Variants in POLD1 observed in about 807,000 individuals in gnomAD.
The protein encoded by POLD1 is DNA polymerase delta catalytic subunit.
POLD1 carries 79 observed loss-of-function variants against 129.7 expected under a neutral mutation model. The ratio of observed to expected loss-of-function variants is 0.61; its 90% CI spans 0.51 to 0.73. POLD1 has a LOEUF of 0.73. Among genes scored for constraint, POLD1 ranks in the 30% least tolerant of loss-of-function variants. The pLI is 0.00. For missense variants in POLD1, 1,338 were observed against 1,595.8 expected (o/e 0.84, Z 2.75); for synonymous variants, 714 against 683.3 (o/e 1.04, Z -0.70).
chr19:50,391,709 GA>G (rs1482061497), intron 1 of POLD1, among the ~76,000 whole-genome samples: 4 of 145,932 alleles, frequency 2.7e-5, no homozygotes, highest in African/African-American at 1.0e-4. Context: ...GAGGGGGAGG[GA>G]GAGGGAGAGG....
intron 24 of POLD1, 119 bp from the exon 25 acceptor site, chr19:50,416,926 T>TG: frequency 8.3e-7 from 1 of 1,198,122 alleles, no homozygotes; most frequent in Non-Finnish European, 1.2e-6. Flanking sequence ...CCAGCACACT[T>TG]GCTCCGTTGT....
At position 50,416,652 on chromosome 19, in the gene POLD1, T is replaced by C. The variant is rs2122496598; in HGVS notation, c.2996T>C (p.Val999Ala). The C allele has an allele frequency of 6.4e-7, 1 of 1,564,770 alleles. No homozygotes were observed. The highest frequency in any genetic ancestry group is 8.6e-7 in the Non-Finnish European group (1 of 1,159,540). ...TGCAAGACGGTGCTCACGGGCAAGG[T>C]GGGCGGCCTCCTGGCCTTCGCCAAA... ...TRCKTVLTGK[V>A]GGLLAFAKRR... Residue 999 changes from valine (V) to alanine (A), a missense_variant, in exon 24 of 27, where the codon GTG becomes GCG. Physicochemically the swap from Val to Ala is moderately conservative, Grantham distance 64. Transcript: ENST00000440232.
At chr19:50,403,310 A>C in intron 9 of POLD1, 91 bp downstream of exon 9, 1 of 1,352,046 alleles carries the variant, frequency 7.4e-7, no homozygotes, top group Non-Finnish European at 1.0e-6. Context: ...TGCGACGCCC[A>C]TGTCTGTGGG....
At position 50,409,816 on chromosome 19, in the gene POLD1, A is replaced by G; in HGVS notation, c.2154+150A>G. ...AGAGGATGCCAATGTGGCTTGAGCA[A>G]TTGGTCCATTCCTTCACTCAGCAAA... is the stretch of plus-strand genomic sequence containing the variant. On this transcript the variant is annotated intron_variant, in intron 17 of 26. Transcript: ENST00000440232. This position sits in a 1 kb window ranked among gnomAD's most constrained non-coding sequence, Gnocchi z 5.8. 2.4e-6 allele frequency: 2 copies of G among 821,590 alleles called. No homozygotes were observed. The highest frequency in any genetic ancestry group is 3.8e-6 in the Non-Finnish European group (2 of 527,382). The allele number at this position is 821,590 out of a possible 1,614,324, so 50.9% of individuals were successfully genotyped here.
At position 50,386,914 on chromosome 19, in the gene POLD1, C is replaced by T. The variant is rs565882484; in HGVS notation, c.-2+2524C>T. Among the ~76,000 whole-genome samples the T allele has an allele frequency of 6.6e-5, 10 of 152,310 alleles. No homozygotes were observed. The East Asian group carries it at 1.3e-3, about 21-fold the overall frequency. The stretch of plus-strand genomic sequence containing the variant: ...TCTACAAAAAATACAAAAGCTAGGC[C>T]GGGCGCGGTGGCTAAGGCCTGTAAT... On this transcript the variant is annotated intron_variant, in intron 1 of 26. Coordinates refer to ENST00000440232, the MANE Select transcript of POLD1 (RefSeq NM_002691.4).
chr19:50,416,283 T>C (rs2039285698), intron 22 of POLD1, 113 bp from the exon 23 acceptor site: 3 of 1,090,978 alleles, frequency 2.7e-6, no homozygotes, highest in Non-Finnish European at 2.6e-6. Flanking sequence ...GCCCCCCCCA[T>C]GTCACAGCCC....
At chr19:50,391,615 CAGGG>C (rs1405975069) in intron 1 of POLD1, among the ~76,000 whole-genome samples, 1 of 146,876 alleles carries the variant, frequency 6.8e-6, no homozygotes, top group Admixed American at 7.2e-5. Flanking sequence ...GAGAATCAGG[CAGGG>C]AGGTTGCCGT....
At chr19:50,386,794 C>T (rs1484066724) in intron 1 of POLD1, among the ~76,000 whole-genome samples, 1 of 152,186 alleles carries the variant, frequency 6.6e-6, no homozygotes, top group African/African-American at 2.4e-5. Context: ...AAGACACACA[C>T]CCAGGCAGTC....
rs141801845 is a variant in POLD1, at chr19:50,413,818, G to A, written c.2327G>A (p.Arg776Gln). The A allele has an allele frequency of 3.3e-5, 54 of 1,612,274 alleles. No homozygotes were observed. The South Asian group carries it at 4.1e-4, about 12-fold the overall frequency. The change falls in exon 19 of 27, where the codon CGG becomes CAG. Residue 776 changes from arginine to glutamine, a missense_variant. Physicochemically the swap from Arg to Gln is conservative, Grantham distance 43. Coordinates refer to ENST00000440232, the MANE Select transcript of POLD1 (RefSeq NM_002691.4). ...GTGGCTGAGGCGATGGCCCTGGGGC[G>A]GGAGGCCGCGGACTGGGTGTCAGGT... ...SSVAEAMALG[R>Q]EAADWVSGHF... is the part of the protein sequence containing the mutation.
chr19:50,408,148 A>C (rs2038966217), intron 14 of POLD1, among the ~76,000 whole-genome samples: 1 of 151,536 alleles, frequency 6.6e-6, no homozygotes, highest in Non-Finnish European at 1.5e-5. Context: ...CATCCTGGCT[A>C]ACACGGTGAA....
At chr19:50,402,567 G>A (rs983609189) in intron 7 of POLD1, 32 bp downstream of exon 7, 1 of 1,576,626 alleles carries the variant, frequency 6.3e-7, no homozygotes, top group Middle Eastern at 1.8e-4. Context: ...GGCTGGGTGG[G>A]GAGCTGGTAC....
At position 50,417,875 on chromosome 19, in the gene POLD1, G is replaced by A. The variant is rs1292518688; in HGVS notation, c.3252G>A (p.Lys1084=). 1.2e-6 allele frequency: 2 copies of A among 1,610,842 alleles called. No individual in the cohort carries two copies. The highest frequency in any genetic ancestry group is 2.7e-5 in the African/African-American group (2 of 74,964). The change falls in exon 27 of 27, where the codon AAG becomes AAA. Residue 1084 remains lysine, a synonymous_variant. Transcript: ENST00000440232. ...GCCCCATCTTCTACATGCGCAAGAA[G>A]GTGCGGAAGGACCTGGAAGACCAGG... ...RDCPIFYMRK[K]VRKDLEDQEQ...
Position 50,406,730 on chromosome 19 carries a change from G to A in POLD1, c.1494+213G>A, listed in dbSNP as rs2038899957. Among the ~76,000 whole-genome samples the A allele has an allele frequency of 6.6e-6, 1 of 152,024 alleles. No individual in the cohort carries two copies. Among genetic ancestry groups the A allele is most frequent in the African/African-American group, 2.4e-5 (1 of 41,370 alleles). ...CCTCTGTCACTATGACCTTGTCTCTGCTTTCCTGGCCTGACCACAGGTCCA... is the reference window on the plus strand; with the variant it reads ...CCTCTGTCACTATGACCTTGTCTCTACTTTCCTGGCCTGACCACAGGTCCA... On this transcript the variant is annotated intron_variant, in intron 12 of 26. Transcript: ENST00000440232. This position sits in a 1 kb window ranked among gnomAD's most constrained non-coding sequence, Gnocchi z 5.5.
chr19:50,416,567 G>A (rs2039302362), intron 23 of POLD1, 39 bp downstream of exon 23: 1 of 1,547,568 alleles, frequency 6.5e-7, no homozygotes, highest in Non-Finnish European at 8.7e-7. Flanking sequence ...CCCTGGGGGG[G>A]CAGAGGAGAT....
At position 50,416,494 on chromosome 19, in the gene POLD1, C is replaced by G; in HGVS notation, c.2919C>G (p.Ile973Met). ...AKPLLRIFEP[I>M]LGEGRAEAVL... ...CCCTCCTGCGCATCTTCGAGCCCAT[C>G]CTGGGCGAGGGCCGTGCCGAGGCTG... Residue 973 changes from isoleucine to methionine, a missense_variant, in exon 23 of 27, where the codon ATC becomes ATG. Transcript: ENST00000440232. 6.4e-7 allele frequency: 1 copy of G among 1,552,392 alleles called. No homozygotes were observed. The highest frequency in any genetic ancestry group is 8.7e-7 in the Non-Finnish European group (1 of 1,148,848).
At chr19:50,398,717 A>C in intron 1 of POLD1, 134 bp from the exon 2 acceptor site, 3 of 1,406,740 alleles carry the variant, frequency 2.1e-6, no homozygotes, top group Non-Finnish European at 2.8e-6. Flanking sequence ...TGCAGGGTGC[A>C]GAGAGCTATG....
In POLD1 at chr19:50,402,434, T is replaced by A; in HGVS notation, c.759-20T>A. 1 of 1,612,754 alleles carries A rather than the reference T, an allele frequency of 6.2e-7. No homozygotes were observed. The highest frequency in any genetic ancestry group is 8.5e-7 in the Non-Finnish European group (1 of 1,179,444). ...CCACCCTCGGGCAGCCCCTGTCCAC[T>A]GACCCCCAGCCCCCTCCAGGTTCAT... On this transcript the variant is annotated intron_variant, in intron 6 of 26. Coordinates refer to ENST00000440232, the MANE Select transcript of POLD1 (RefSeq NM_002691.4).
Sources: allele counts gnomAD v4.1 joint callset (sites outside exome capture counted in the v4.1 genomes callset), GRCh38; gene constraint gnomAD v4.1.1; non-coding constraint Gnocchi (gnomAD v3.1); transcripts MANE v1.5; gene names NCBI Gene and HGNC (gene_info 2026-07-23, HGNC 2026-07-21).